The following ACOX3 variants were observed in gnomAD, a reference collection of about 807,000 sequenced individuals.
The protein encoded by ACOX3 is peroxisomal acyl-coenzyme A oxidase 3.
Under a neutral mutation model 81.5 loss-of-function variants are expected in ACOX3, and 73 were observed. The ratio of observed to expected loss-of-function variants is 0.90; its 90% confidence interval spans 0.74 to 1.09. ACOX3 has a LOEUF of 1.09. ACOX3 is among the 50% of genes least tolerant of loss of function. The probability of loss-of-function intolerance (pLI) is 0.00; values close to 1 mark genes in which losing one functional copy is unlikely to be tolerated. For missense variants in ACOX3, 947 were observed against 928.0 expected, an observed-to-expected ratio of 1.02 and a Z score of -0.27; for synonymous variants, 387 against 375.1, an observed-to-expected ratio of 1.03 and a Z score of -0.37.
chr4:8,357,231 A>G, the ACOX3 span: 1 of 456,666 alleles, frequency 2.2e-6, no homozygotes, highest in Non-Finnish European at 4.4e-6. Flanking sequence ...ACACGTTCCC[A>G]GCAGCTGAGA....
Position 8,431,847 on chromosome 4 carries a change from G to C in ACOX3, c.-15+8801C>G, listed in dbSNP as rs969696571. ...GTTTTAGACCTTGGTGCTATTGACT[G>C]TCATTGGCCATTGTTGTTATGTGCA... On this transcript the variant is annotated intron_variant, in intron 1 of 17. Coordinates refer to ENST00000356406, the MANE Select transcript of ACOX3 (RefSeq NM_003501.3). The surrounding 1 kb of genome is among the most constrained non-coding windows in gnomAD (Gnocchi z 5.3). Among the ~76,000 whole-genome samples, 3 of 152,234 alleles carry C rather than the reference G, an allele frequency of 2.0e-5. No homozygotes were observed. The highest frequency in any genetic ancestry group is 2.9e-5 in the Non-Finnish European group (2 of 68,048).
chr4:8,374,841 C>T, intron 15 of ACOX3, 137 bp downstream of exon 15: 1 of 962,694 alleles, frequency 1.0e-6, no homozygotes, highest in Non-Finnish European at 1.5e-6. Context: ...CTGGGCTTCT[C>T]ATCTGTCCAC....
At chr4:8,380,096 G>A (rs1717450595) in intron 14 of ACOX3, among the ~76,000 whole-genome samples, 3 of 152,076 alleles carry the variant, frequency 2.0e-5, no homozygotes, top group Admixed American at 1.3e-4. Flanking sequence ...GTCACTTCAC[G>A]CTTTGGTCAC....
rs1723881540 is a variant in ACOX3, at chr4:8,430,268, G to A, written c.-15+10380C>T. 6.6e-6 allele frequency among the ~76,000 whole-genome samples: 1 copy of A among 152,246 alleles called. No individual in the cohort carries two copies. Among genetic ancestry groups the A allele is most frequent in the Admixed American group, 6.5e-5 (1 of 15,290 alleles). On this transcript the variant is annotated intron_variant, in intron 1 of 17. Transcript: ENST00000356406. The surrounding 1 kb of genome is among the most constrained non-coding windows in gnomAD (Gnocchi z 5.2). ...TGAAAGATCATTTCGGGCCTGGCAG[G>A]TACCCTGCTAAGCAGTCGGAAGTGA...
In ACOX3 at chr4:8,430,089, T is replaced by G. The variant is rs1723870610; in HGVS notation, c.-15+10559A>C. 6.6e-6 allele frequency among the ~76,000 whole-genome samples: 1 copy of G among 152,228 alleles called. No homozygotes were observed. Reference sequence around the variant, plus strand: ...TCTGGGTGGGGATACTCAGGTCATGTTTGGAAATTCTGTCTACTTCTGTTC... The same window carrying G: ...TCTGGGTGGGGATACTCAGGTCATGGTTGGAAATTCTGTCTACTTCTGTTC... On this transcript the variant is annotated intron_variant, in intron 1 of 17. Coordinates refer to ENST00000356406, the MANE Select transcript of ACOX3 (RefSeq NM_003501.3). This position sits in a 1 kb window ranked among gnomAD's most constrained non-coding sequence, Gnocchi z 5.2.
Position 8,405,903 on chromosome 4 carries a change from G to T in ACOX3, c.776+52C>A. ...TGAGATCTCAGACATGAGCGACAACGCAGCCTGGGCCTTGGCAGGAAGCTC... is the reference window on the plus strand; with the variant it reads ...TGAGATCTCAGACATGAGCGACAACTCAGCCTGGGCCTTGGCAGGAAGCTC... On this transcript the variant is annotated intron_variant, in intron 7 of 17. Transcript: ENST00000356406. The surrounding 1 kb of genome is among the most constrained non-coding windows in gnomAD (Gnocchi z 7.1). 1 of 1,550,146 alleles carries T rather than the reference G, an allele frequency of 6.5e-7. No homozygotes were observed. Among genetic ancestry groups the T allele is most frequent in the Non-Finnish European group, 8.9e-7 (1 of 1,122,198 alleles).
chr4:8,420,790 CA>C (rs1324063593), intron 1 of ACOX3, among the ~76,000 whole-genome samples: 1 of 152,216 alleles, frequency 6.6e-6, no homozygotes, highest in Non-Finnish European at 1.5e-5. Flanking sequence ...CACTGACTTC[CA>C]CCCCTCCGGA....
chr4:8,422,690 C>T (rs1296930808), intron 1 of ACOX3, among the ~76,000 whole-genome samples: 1 of 152,212 alleles, frequency 6.6e-6, no homozygotes, highest in African/African-American at 2.4e-5. Context: ...GTTCTAAGGC[C>T]CTGGCCAAGG....
intron 1 of ACOX3, among the ~76,000 whole-genome samples, chr4:8,421,157 A>G (rs991262515): frequency 6.6e-6 from 1 of 152,204 alleles, no homozygotes; most frequent in Non-Finnish European, 1.5e-5. Flanking sequence ...GATTCTCCAA[A>G]GCGGTGAGTA....
chr4:8,357,449 G>A, the ACOX3 span: 1 of 353,880 alleles, frequency 2.8e-6, no homozygotes. Flanking sequence ...ATTTCTCCAT[G>A]TGGAGTTATA....
At chr4:8,428,191 C>G (rs1000649989) in intron 1 of ACOX3, among the ~76,000 whole-genome samples, 2 of 152,258 alleles carry the variant, frequency 1.3e-5, no homozygotes, top group Admixed American at 6.5e-5. Flanking sequence ...CTCTGGGTAA[C>G]CCTGGCCCCC....
rs62286003 is a variant in ACOX3, at chr4:8,381,488, T to G, written c.1653+4A>C. ...AAAAGGGAATTTTGAAAACAAATACTTACCTGGCATTTGTTCCTTGCTTCA... is the reference window on the plus strand; with the variant it reads ...AAAAGGGAATTTTGAAAACAAATACGTACCTGGCATTTGTTCCTTGCTTCA... On this transcript the variant is annotated splice_donor_region_variant and intron_variant, in intron 14 of 17. Transcript: ENST00000356406. The surrounding 1 kb of genome is among the most constrained non-coding windows in gnomAD (Gnocchi z 4.3). 54,910 of 1,607,646 alleles carry G rather than the reference T, an allele frequency of 0.034. 1,044 individuals are homozygous for G. The highest frequency in any genetic ancestry group is 0.044 in the Middle Eastern group (268 of 6,034).
At chr4:8,371,997 G>A (rs1383522855) in intron 16 of ACOX3, among the ~76,000 whole-genome samples, 3 of 152,256 alleles carry the variant, frequency 2.0e-5, no homozygotes, top group Non-Finnish European at 4.4e-5. Flanking sequence ...TTCTCCACCT[G>A]GCTGACCTTG....
At chr4:8,365,738 GGGTGGGATGT>G (rs1047670741), downstream of ACOX3, among the ~76,000 whole-genome samples, 1 of 144,720 alleles carries the variant, frequency 6.9e-6, no homozygotes, top group African/African-American at 2.6e-5. Context: ...AGCCCCAGAC[GGGTGGGATGT>G]GGTGGGGGGG....
At chr4:8,390,197 C>G (rs1268050032) in intron 11 of ACOX3, among the ~76,000 whole-genome samples, 1 of 151,158 alleles carries the variant, frequency 6.6e-6, no homozygotes, top group Non-Finnish European at 1.5e-5. Context: ...AAAAAATTAG[C>G]TGGGCATAGT....
intron 5 of ACOX3, among the ~76,000 whole-genome samples, chr4:8,412,146 C>T (rs1721795536): frequency 6.6e-6 from 1 of 152,234 alleles, no homozygotes; most frequent in African/African-American, 2.4e-5. Context: ...AGCCATGGGG[C>T]CAGAAAGACC....
chr4:8,377,574 G>A (rs1281507503), intron 14 of ACOX3, among the ~76,000 whole-genome samples: 1 of 152,222 alleles, frequency 6.6e-6, no homozygotes, highest in Non-Finnish European at 1.5e-5. Flanking sequence ...GCCTGCGATG[G>A]CAGCTCTACT....
rs1457510641 is a variant in ACOX3 at position 8,406,240 on chromosome 4, C to T, written c.688-197G>A. ...TGGAAGCTTATTTGGAAATAGGGTC[C>T]TGCAGATATAATGAATTTAAGAGCA... On this transcript the variant is annotated intron_variant, in intron 6 of 17. Coordinates refer to ENST00000356406, the MANE Select transcript of ACOX3 (RefSeq NM_003501.3). This position sits in a 1 kb window ranked among gnomAD's most constrained non-coding sequence, Gnocchi z 5.6. 6.6e-6 allele frequency among the ~76,000 whole-genome samples: 1 copy of T among 152,226 alleles called. No individual in the cohort carries two copies. The highest frequency in any genetic ancestry group is 1.9e-4 in the East Asian group (1 of 5,198).
At chr4:8,363,229 T>A (rs1715270758), downstream of ACOX3, among the ~76,000 whole-genome samples, 1 of 152,248 alleles carries the variant, frequency 6.6e-6, no homozygotes, top group South Asian at 2.1e-4. Flanking sequence ...AGTTCCAACA[T>A]GCCCAGTTCA....
Sources: allele counts gnomAD v4.1 joint callset (sites outside exome capture counted in the v4.1 genomes callset), GRCh38; gene constraint gnomAD v4.1.1; non-coding constraint Gnocchi (gnomAD v3.1); transcripts MANE v1.5; gene names NCBI Gene and HGNC (gene_info 2026-07-23, HGNC 2026-07-21).